CDH12: variants seen among roughly 807,000 people sequenced by gnomAD.
The protein encoded by CDH12 is cadherin-12.
In CDH12, 41 loss-of-function variants were observed where a neutral mutation model predicts 74.1. The ratio of observed to expected loss-of-function variants is 0.55; its 90% confidence interval spans 0.43 to 0.72. The LOEUF is 0.72. Ranked by LOEUF, CDH12 falls within the 30% of genes least tolerant of loss-of-function variation. The pLI is 0.00. For missense variants in CDH12, 945 were observed against 977.2 expected, an observed-to-expected ratio of 0.97 and a Z score of 0.44; for synonymous variants, 399 against 355.0, an observed-to-expected ratio of 1.12 and a Z score of -1.39.
chr5:22,297,310 C>A (rs1186675580), intron 3 of CDH12, among the ~76,000 whole-genome samples: 1 of 152,138 alleles, frequency 6.6e-6, no homozygotes, highest in Non-Finnish European at 1.5e-5. Context: ...CATAAGCCAC[C>A]GCGCCCGGCT....
chr5:21,802,471 C>A, intron 9 of CDH12, 51 bp from the exon 10 acceptor site: 1 of 1,471,964 alleles, frequency 6.8e-7, no homozygotes, highest in South Asian at 1.2e-5. Flanking sequence ...TAGAATGTGG[C>A]AGAAATGGTG....
At chr5:22,046,494 G>A (rs982120584) in intron 5 of CDH12, among the ~76,000 whole-genome samples, 6 of 145,722 alleles carry the variant, frequency 4.1e-5, no homozygotes, top group South Asian at 2.2e-4. Flanking sequence ...GTGCAGTGGC[G>A]CGATTTGGCT....
chr5:22,092,610 G>T (rs915397030), intron 4 of CDH12, among the ~76,000 whole-genome samples: 9 of 152,092 alleles, frequency 5.9e-5, no homozygotes, highest in African/African-American at 4.8e-5. Flanking sequence ...GTTGAAGGAG[G>T]ATGTGAAAAA....
intron 1 of CDH12, among the ~76,000 whole-genome samples, chr5:22,730,692 A>G (rs1487332409): frequency 1.3e-5 from 2 of 151,760 alleles, no homozygotes; most frequent in South Asian, 2.1e-4. Context: ...GGAACTCTCA[A>G]GTTTTAACAA....
At chr5:22,374,210 C>T (rs565268232) in intron 3 of CDH12, among the ~76,000 whole-genome samples, 100 of 151,898 alleles carry the variant, frequency 6.6e-4, no homozygotes, top group Non-Finnish European at 1.0e-3. Context: ...GGGCAAAAAC[C>T]GTATGATCAC....
chr5:22,811,255 G>A (rs1749135795), intron 1 of CDH12, among the ~76,000 whole-genome samples: 1 of 152,034 alleles, frequency 6.6e-6, no homozygotes, highest in Admixed American at 6.6e-5. Flanking sequence ...GAAAGCGAGG[G>A]CAATAGTCTT....
At chr5:22,245,163 A>G (rs2150383626) in intron 3 of CDH12, among the ~76,000 whole-genome samples, 1 of 152,322 alleles carries the variant, frequency 6.6e-6, no homozygotes, top group South Asian at 2.1e-4. Context: ...GAGAGCTAAA[A>G]AGCCATTCGA....
At chr5:22,015,930 G>C (rs541605231) in intron 5 of CDH12, among the ~76,000 whole-genome samples, 2 of 152,212 alleles carry the variant, frequency 1.3e-5, no homozygotes, top group African/African-American at 4.8e-5. Flanking sequence ...TTTTTTAAAA[G>C]GAAAATGGAC....
chr5:22,831,351 T>TTGTGTGTGTGTGTG (rs1554007029), intron 1 of CDH12, among the ~76,000 whole-genome samples: 174 of 138,636 alleles, frequency 1.3e-3, no homozygotes, highest in South Asian at 1.8e-3. Flanking sequence ...GTTTTGGAGT[T>TTGTGTGTGTGTGTG]TGTGTGTGTG....
At position 21,977,984 on chromosome 5, in the gene CDH12, A is replaced by G. The variant is rs558520765; in HGVS notation, c.232-2599T>C. On this transcript the variant is annotated intron_variant, in intron 5 of 14. Transcript: ENST00000382254. ...TAATTAGGCAGATGGGTGGTAGCCT[A>G]AAGTATAGACATTTTTCCAATATTA... Among the ~76,000 whole-genome samples the G allele has an allele frequency of 3.3e-4, 51 of 152,280 alleles. No individual in the cohort carries two copies. In the South Asian group the frequency reaches 0.011, roughly 32 times the overall value.
intron 10 of CDH12, among the ~76,000 whole-genome samples, chr5:21,790,646 T>G (rs929172839): frequency 6.6e-6 from 1 of 152,070 alleles, no homozygotes; most frequent in African/African-American, 2.4e-5. Context: ...ACCATGAGTG[T>G]TGTTATAAAA....
At chr5:22,765,726 G>A (rs181743246) in intron 1 of CDH12, among the ~76,000 whole-genome samples, 1 of 151,358 alleles carries the variant, frequency 6.6e-6, no homozygotes, top group Non-Finnish European at 1.5e-5. Context: ...CAAACTTCTG[G>A]GTAATAAGAA....
intron 1 of CDH12, among the ~76,000 whole-genome samples, chr5:22,583,196 C>T (rs1331707425): frequency 1.3e-5 from 2 of 152,188 alleles, no homozygotes; most frequent in Admixed American, 6.5e-5. Context: ...TCTTTAAGGA[C>T]TGTTCTATAC....
intron 5 of CDH12, among the ~76,000 whole-genome samples, chr5:22,031,372 T>C (rs2150173297): frequency 6.6e-6 from 1 of 152,224 alleles, no homozygotes; most frequent in Non-Finnish European, 1.5e-5. Context: ...AGAGAGAATG[T>C]TGTGGTTGGT....
intron 11 of CDH12, chr5:21,779,382 T>C (rs1025964559): frequency 4.6e-5 from 7 of 152,110 alleles, no homozygotes; most frequent in African/African-American, 1.7e-4. Flanking sequence ...CTTTAATTAA[T>C]GACATTTGTT....
At chr5:22,362,315 C>A (rs1366483862) in intron 3 of CDH12, among the ~76,000 whole-genome samples, 2 of 152,088 alleles carry the variant, frequency 1.3e-5, no homozygotes, top group Non-Finnish European at 2.9e-5. Flanking sequence ...ATGCAGCCAA[C>A]AGACACATGA....
At chr5:22,086,124 G>T (rs1561094711) in intron 4 of CDH12, among the ~76,000 whole-genome samples, 1 of 151,964 alleles carries the variant, frequency 6.6e-6, no homozygotes, top group Non-Finnish European at 1.5e-5. Context: ...TTGTTTTATA[G>T]ACTGCCTGCT....
chr5:21,982,102 G>A (rs1057496886), intron 5 of CDH12, among the ~76,000 whole-genome samples: 2 of 152,168 alleles, frequency 1.3e-5, no homozygotes, highest in African/African-American at 4.8e-5. Context: ...AATGAGATTA[G>A]TATTTAAATC....
chr5:22,472,751 A>G (rs1005132942), intron 2 of CDH12, among the ~76,000 whole-genome samples: 1 of 152,116 alleles, frequency 6.6e-6, no homozygotes, highest in Non-Finnish European at 1.5e-5. Flanking sequence ...ACACCCAGAA[A>G]CATGATCTAG....
Sources: gnomAD v4.1 joint callset for allele counts (sites outside exome capture counted in the v4.1 genomes callset) on GRCh38, gnomAD v4.1.1 for gene constraint, MANE v1.5 for transcripts, NCBI Gene and HGNC (gene_info 2026-07-23, HGNC 2026-07-21) for gene names.